Variants in ERI3 observed in about 807,000 individuals in gnomAD.
ERI3 encodes ERI1 exoribonuclease family member 3.
A neutral mutation model predicts 44.4 loss-of-function variants in ERI3; 18 were observed. That is an observed-to-expected ratio of 0.41 (90% CI 0.28 to 0.60). The LOEUF (loss-of-function observed/expected upper bound fraction) is 0.60. Ranked by LOEUF, ERI3 falls within the 20% of genes least tolerant of loss-of-function variation. The pLI, the probability that ERI3 is intolerant of heterozygous loss-of-function variation, is 0.36. For missense variants in ERI3, 294 were observed against 435.5 expected (o/e 0.68, Z 2.89); for synonymous variants, 183 against 164.8 (o/e 1.11, Z -0.84).
In ERI3 at chr1:44,280,430, A is replaced by G. The variant is rs192731210; in HGVS notation, c.831+4405T>C. On this transcript the variant is annotated intron_variant, in intron 7 of 8. Coordinates refer to ENST00000372257, the MANE Select transcript of ERI3 (RefSeq NM_024066.3). ...GTAATTACCATCTTTCACCTGGACC[A>G]CAGAAACAGCCTAATTCTGTGGTTC... Among the ~76,000 whole-genome samples the G allele has an allele frequency of 1.5e-3, 225 of 152,318 alleles. 1 individual carries two copies. The highest frequency in any genetic ancestry group is 2.5e-3 in the Non-Finnish European group (171 of 68,032).
Position 44,228,533 on chromosome 1 carries a change from T to A in ERI3, c.932-6893A>T, listed in dbSNP as rs1228258085. 6.6e-6 allele frequency among the ~76,000 whole-genome samples: 1 copy of A among 152,190 alleles called. No individual in the cohort carries two copies. The highest frequency in any genetic ancestry group is 1.5e-5 in the Non-Finnish European group (1 of 68,032). On this transcript the variant is annotated intron_variant, in intron 8 of 8. Coordinates refer to ENST00000372257, the MANE Select transcript of ERI3 (RefSeq NM_024066.3). This position sits in a 1 kb window ranked among gnomAD's most constrained non-coding sequence, Gnocchi z 4.3. The stretch of plus-strand genomic sequence containing the variant: ...GAAGATGTTTTTAAAAAAATCCTCA[T>A]AAAGTGTTTATTAAGCGCTGGTAAA...
At chr1:44,350,049 A>C (rs375689739) in intron 2 of ERI3, among the ~76,000 whole-genome samples, 12 of 152,316 alleles carry the variant, frequency 7.9e-5, no homozygotes, top group African/African-American at 1.7e-4. Flanking sequence ...AGAGGCCATC[A>C]GTCTTCTACA....
At chr1:44,307,645 C>A (rs1052495665) in intron 6 of ERI3, among the ~76,000 whole-genome samples, 6 of 152,136 alleles carry the variant, frequency 3.9e-5, no homozygotes, top group Non-Finnish European at 5.9e-5. Flanking sequence ...ATAACCGGGA[C>A]AGGATCAGGA....
intron 2 of ERI3, among the ~76,000 whole-genome samples, chr1:44,342,813 AT>A (rs1557867372): frequency 0.051 from 386 of 7,622 alleles, 7 homozygotes; most frequent in African/African-American, 0.13. Context: ...CATCCAGCTA[AT>A]ATATATATAT....
intron 7 of ERI3, among the ~76,000 whole-genome samples, chr1:44,251,367 C>A (rs530416443): frequency 6.6e-6 from 1 of 152,238 alleles, no homozygotes; most frequent in Non-Finnish European, 1.5e-5. Context: ...TCCCTCCATT[C>A]GCCCTCCTTA....
At chr1:44,339,368 G>GAAA in intron 2 of ERI3, 46 bp from the exon 3 acceptor site, 10 of 855,018 alleles carry the variant, frequency 1.2e-5, no homozygotes, top group South Asian at 2.8e-5. Context: ...AGAAAAGAAA[G>GAAA]AAAAAAAAAA....
At chr1:44,350,534 T>C (rs761112067) in intron 2 of ERI3, among the ~76,000 whole-genome samples, 1 of 152,194 alleles carries the variant, frequency 6.6e-6, no homozygotes, top group Non-Finnish European at 1.5e-5. Flanking sequence ...AGTGCTGGGA[T>C]TATGAGCATG....
chr1:44,334,548 T>TA (rs1646495054), intron 3 of ERI3, among the ~76,000 whole-genome samples: 1 of 152,184 alleles, frequency 6.6e-6, no homozygotes. Flanking sequence ...TAAAACATTT[T>TA]AAACCATCTA....
intron 4 of ERI3, among the ~76,000 whole-genome samples, chr1:44,313,960 T>C (rs972152337): frequency 1.3e-5 from 2 of 152,030 alleles, no homozygotes; most frequent in African/African-American, 4.8e-5. Flanking sequence ...CTTGTTGTTT[T>C]GCTTTGTTTT....
intron 3 of ERI3, among the ~76,000 whole-genome samples, chr1:44,336,308 C>T (rs1356272716): frequency 3.9e-5 from 6 of 152,142 alleles, no homozygotes; most frequent in Non-Finnish European, 5.9e-5. Context: ...GATCCTGCTA[C>T]CTGCAAACCT....
At chr1:44,277,699 C>A (rs146422008) in intron 7 of ERI3, among the ~76,000 whole-genome samples, 232 of 152,340 alleles carry the variant, frequency 1.5e-3, no homozygotes, top group Middle Eastern at 6.8e-3. Flanking sequence ...CACACTCTTA[C>A]AGTCTTTCTT....
At chr1:44,322,713 G>A (rs2154329437) in intron 3 of ERI3, 1 of 1,544,836 alleles carries the variant, frequency 6.5e-7, no homozygotes, top group Non-Finnish European at 8.7e-7. Flanking sequence ...ACCTCACTGA[G>A]GTACTTCTTA....
chr1:44,255,963 T>TC (rs1051692620), intron 7 of ERI3, among the ~76,000 whole-genome samples: 1 of 152,140 alleles, frequency 6.6e-6, no homozygotes, highest in African/African-American at 2.4e-5. Context: ...AAAAGTACCT[T>TC]CCTTTATAGT....
At chr1:44,248,743 G>A (rs1644608494) in intron 7 of ERI3, among the ~76,000 whole-genome samples, 1 of 151,828 alleles carries the variant, frequency 6.6e-6, no homozygotes, top group Non-Finnish European at 1.5e-5. Context: ...GGGAGCAGAT[G>A]CTCTGCTGAA....
chr1:44,327,049 C>T (rs548150633), intron 3 of ERI3, among the ~76,000 whole-genome samples: 1 of 152,314 alleles, frequency 6.6e-6, no homozygotes, highest in African/African-American at 2.4e-5. Flanking sequence ...TTTACATATT[C>T]AATTGTAAAT....
intron 2 of ERI3, among the ~76,000 whole-genome samples, chr1:44,352,396 G>T (rs1226044921): frequency 6.6e-6 from 1 of 151,240 alleles, no homozygotes. Flanking sequence ...GGGCAACCTA[G>T]CAAGGTCTCA....
At position 44,355,256 on chromosome 1, in the gene ERI3, T is replaced by C; in HGVS notation, c.-230A>G. 1 of 1,159,940 alleles carries C rather than the reference T, an allele frequency of 8.6e-7. No individual in the cohort carries two copies. The highest frequency in any genetic ancestry group is 4.0e-5 in the East Asian group (1 of 25,010). 71.9% of individuals were successfully genotyped at this position (1,159,940 alleles called of 1,614,324 possible). Reference sequence around the variant, plus strand: ...CACCACGAGTCCACAACACACCGACTCACCTCCGCGCACTCTGACCCCGAC... The same window carrying C: ...CACCACGAGTCCACAACACACCGACCCACCTCCGCGCACTCTGACCCCGAC... On this transcript the variant is annotated 5_prime_UTR_variant, in exon 1 of 9. Coordinates refer to ENST00000372257, the MANE Select transcript of ERI3 (RefSeq NM_024066.3).
At chr1:44,309,112 T>C (rs1645901046) in intron 5 of ERI3, among the ~76,000 whole-genome samples, 1 of 152,232 alleles carries the variant, frequency 6.6e-6, no homozygotes, top group Non-Finnish European at 1.5e-5. Flanking sequence ...ACTCTAAATC[T>C]TTCTTTCCCT....
chr1:44,352,396 G>C (rs1226044921), intron 2 of ERI3, among the ~76,000 whole-genome samples: 1 of 151,240 alleles, frequency 6.6e-6, no homozygotes, highest in African/African-American at 2.4e-5. Flanking sequence ...GGGCAACCTA[G>C]CAAGGTCTCA....
Sources: allele counts gnomAD v4.1 joint callset (sites outside exome capture counted in the v4.1 genomes callset), GRCh38; gene constraint gnomAD v4.1.1; non-coding constraint Gnocchi (gnomAD v3.1); transcripts MANE v1.5; gene names NCBI Gene and HGNC (gene_info 2026-07-23, HGNC 2026-07-21).